AZIN1: variants seen among roughly 807,000 people sequenced by gnomAD.
The protein encoded by AZIN1 is antizyme inhibitor 1, also known as ornithine decarboxylase antizyme inhibitor.
A neutral mutation model predicts 47.4 loss-of-function variants in AZIN1; 12 were observed. The ratio of observed to expected loss-of-function variants is 0.25; its 90% CI spans 0.16 to 0.41. AZIN1 has a LOEUF of 0.41. Ranked by LOEUF, AZIN1 falls within the 10% of genes least tolerant of loss-of-function variation. The pLI, the probability that AZIN1 is intolerant of heterozygous loss-of-function variation, is 1.00. For synonymous variants in AZIN1, 155 were observed against 176.3 expected (o/e 0.88, Z 0.96); for missense variants, 410 against 532.4 (o/e 0.77, Z 2.26).
intron 6 of AZIN1, chr8:102,835,497 A>G (rs547296563): frequency 1.3e-5 from 2 of 152,394 alleles, no homozygotes; most frequent in South Asian, 2.1e-4. Flanking sequence ...AAGATACACA[A>G]TAAGGCCAGG....
chr8:102,834,060 A>G, intron 8 of AZIN1, 129 bp downstream of exon 8: 1 of 678,310 alleles, frequency 1.5e-6, no homozygotes, highest in East Asian at 2.7e-5. Flanking sequence ...TCCTTTTCTA[A>G]GAACATAATT....
In AZIN1 at chr8:102,857,366, C is replaced by T. The variant is rs118130582; in HGVS notation, c.-96+647G>A. 5.1e-3 allele frequency among the ~76,000 whole-genome samples: 768 copies of T among 151,956 alleles called. 7 individuals carry two copies. The highest frequency in any genetic ancestry group is 0.017 in the Middle Eastern group (5 of 294). On this transcript the variant is annotated intron_variant, in intron 2 of 11. Transcript: ENST00000337198. ...ATTTTAATAACAAAATCTGAATTTCCGTAACAATAAGTCTATATACCACAA... is the reference window on the plus strand; with the variant it reads ...ATTTTAATAACAAAATCTGAATTTCTGTAACAATAAGTCTATATACCACAA...
chr8:102,830,466 T>C (rs1811374514), intron 9 of AZIN1, among the ~76,000 whole-genome samples: 1 of 150,752 alleles, frequency 6.6e-6, no homozygotes. Flanking sequence ...AGTTGCTGTT[T>C]CAAAAAAAGA....
rs531742611 is a variant in AZIN1 at position 102,854,027 on chromosome 8, C to T, written c.-96+3986G>A. ...CACCATCTTGGCTCACTGCAACCTC[C>T]GCCTCCCGGGTTCAAGCAGGCCTCA... is the stretch of plus-strand genomic sequence containing the variant. On this transcript the variant is annotated intron_variant, in intron 2 of 11. Transcript: ENST00000337198. 7.9e-5 allele frequency among the ~76,000 whole-genome samples: 12 copies of T among 152,138 alleles called. No homozygotes were observed. The South Asian group carries it at 2.1e-3, about 26-fold the overall frequency.
chr8:102,853,832 A>G (rs1007948917), intron 2 of AZIN1, among the ~76,000 whole-genome samples: 4 of 148,576 alleles, frequency 2.7e-5, no homozygotes, highest in African/African-American at 9.8e-5. Context: ...CAGTATCCTT[A>G]AAGTACCAAA....
chr8:102,846,794 C>T (rs774498872), intron 2 of AZIN1, among the ~76,000 whole-genome samples: 7 of 152,136 alleles, frequency 4.6e-5, no homozygotes, highest in Admixed American at 2.6e-4. Context: ...AACATTATCA[C>T]GCCTACTCAC....
rs139889963 is a variant in AZIN1, at chr8:102,829,215, G to T, written c.1235+57C>A. 293 of 1,422,794 alleles carry T rather than the reference G, an allele frequency of 2.1e-4. No individual in the cohort carries two copies. In the African/African-American group the frequency reaches 3.8e-3, roughly 19 times the overall value. 88.1% of individuals were successfully genotyped at this position (1,422,794 alleles called of 1,614,324 possible). A position where few individuals can be genotyped will look rare whatever the true frequency, so the allele number is the denominator to read the frequency against. On this transcript the variant is annotated intron_variant, in intron 11 of 11. Coordinates refer to ENST00000337198, the MANE Select transcript of AZIN1 (RefSeq NM_148174.4). ...TTCATTACAGAATTAAAACTTATTA[G>T]CAAGTCTAAAAGGACAGTTCAAATA...
At chr8:102,846,234 T>C (rs1812560339) in intron 2 of AZIN1, among the ~76,000 whole-genome samples, 1 of 152,206 alleles carries the variant, frequency 6.6e-6, no homozygotes, top group Non-Finnish European at 1.5e-5. Context: ...ACAGTCAGGA[T>C]CCTCAGTACT....
chr8:102,854,582 A>G (rs1813148903), intron 2 of AZIN1: 2 of 119,774 alleles, frequency 1.7e-5, no homozygotes, highest in African/African-American at 6.2e-5. Flanking sequence ...GGGCGAAAGG[A>G]GGAGACTCTG....
intron 9 of AZIN1, among the ~76,000 whole-genome samples, chr8:102,832,565 C>T (rs1464731113): frequency 6.6e-6 from 1 of 151,930 alleles, no homozygotes; most frequent in Non-Finnish European, 1.5e-5. Context: ...AGACATTTAT[C>T]TAAAACACAC....
At chr8:102,838,021 G>C (rs1048085664) in intron 5 of AZIN1, among the ~76,000 whole-genome samples, 3 of 152,096 alleles carry the variant, frequency 2.0e-5, no homozygotes, top group Non-Finnish European at 4.4e-5. Flanking sequence ...GCAGCCTCCG[G>C]CTCCTGGGTT....
chr8:102,843,129 C>CA (rs768667217), intron 3 of AZIN1, among the ~76,000 whole-genome samples: 6 of 148,418 alleles, frequency 4.0e-5, no homozygotes, highest in Non-Finnish European at 5.9e-5. Flanking sequence ...TGCTTGAGCC[C>CA]AGGAGGCGAG....
At chr8:102,853,785 G>A (rs1217563815) in intron 2 of AZIN1, among the ~76,000 whole-genome samples, 5 of 149,346 alleles carry the variant, frequency 3.3e-5, no homozygotes, top group African/African-American at 7.4e-5. Context: ...AGTATCAACC[G>A]CCATTAATGA....
At chr8:102,851,690 C>A (rs1283562340) in intron 2 of AZIN1, among the ~76,000 whole-genome samples, 2 of 152,106 alleles carry the variant, frequency 1.3e-5, no homozygotes, top group African/African-American at 4.8e-5. Context: ...CAGAGCAAGA[C>A]TGTCTCAGAA....
In AZIN1 at chr8:102,826,889, G is replaced by GCTTT. The variant is rs1811144856; in HGVS notation, c.*1677_*1678insAAAG. 2 of 152,544 alleles carry GCTTT rather than the reference G, an allele frequency of 1.3e-5. No homozygotes were observed. The highest frequency in any genetic ancestry group is 2.9e-5 in the Non-Finnish European group (2 of 68,020). The allele number at this position is 152,544 out of a possible 1,614,324, so 9.4% of individuals were successfully genotyped here. A position where few individuals can be genotyped will look rare whatever the true frequency, so the allele number is the denominator to read the frequency against. Reference sequence around the variant, plus strand: ...AAACCCCATAATATACCTTGGAAAAGTCCAAGGGCAATTTGATGGCAATGG... The same window carrying GCTTT: ...AAACCCCATAATATACCTTGGAAAAGCTTTTCCAAGGGCAATTTGATGGCAATGG... On this transcript the variant is annotated 3_prime_UTR_variant, in exon 12 of 12. Transcript: ENST00000337198.
intron 2 of AZIN1, among the ~76,000 whole-genome samples, chr8:102,853,870 G>C (rs1813086895): frequency 6.7e-6 from 1 of 149,062 alleles, no homozygotes; most frequent in Non-Finnish European, 1.5e-5. Flanking sequence ...TAAATCGGGG[G>C]GTGGGGGGAG....
chr8:102,835,792 C>G (rs1811785166), intron 6 of AZIN1, among the ~76,000 whole-genome samples: 1 of 152,128 alleles, frequency 6.6e-6, no homozygotes, highest in Non-Finnish European at 1.5e-5. Flanking sequence ...GTAATTAGTT[C>G]TGAGGCTATT....
rs377587849 is a variant in AZIN1, at chr8:102,839,625, T to A, written c.276+25A>T. On this transcript the variant is annotated intron_variant, in intron 4 of 11. Transcript: ENST00000337198. ...AGTTAAATTATTCAATGTTTCAGTT[T>A]AGTTAAAAAATGAAAAATACTTACT... The A allele has an allele frequency of 1.1e-5, 17 of 1,487,626 alleles. No individual in the cohort carries two copies. In the African/African-American group the frequency reaches 2.0e-4, roughly 17 times the overall value. 92.2% of individuals were successfully genotyped at this position (1,487,626 alleles called of 1,614,324 possible). A position where few individuals can be genotyped will look rare whatever the true frequency, so the allele number is the denominator to read the frequency against.
At chr8:102,828,726 C>A (rs779197789) in intron 11 of AZIN1, 48 bp from the exon 12 acceptor site, 2 of 1,143,898 alleles carry the variant, frequency 1.7e-6, no homozygotes. Context: ...GCCCAAAGAC[C>A]ACGTAATCAC....
Sources: allele counts gnomAD v4.1 joint callset (sites outside exome capture counted in the v4.1 genomes callset), GRCh38; gene constraint gnomAD v4.1.1; transcripts MANE v1.5; gene names NCBI Gene and HGNC (gene_info 2026-07-23, HGNC 2026-07-21).